IGSF21: variants seen among roughly 807,000 people sequenced by gnomAD.
IGSF21 encodes the protein immunoglobin superfamily member 21, also known as immunoglobulin superfamily member 21.
IGSF21 carries 28 observed loss-of-function variants against 46.8 expected under a neutral mutation model. The ratio of observed to expected loss-of-function variants is 0.60; its 90% CI spans 0.44 to 0.82. The LOEUF is 0.82. Among genes scored for constraint, IGSF21 ranks in the 40% least tolerant of loss-of-function variants. The pLI, the probability that IGSF21 is intolerant of heterozygous loss-of-function variation, is 0.00. For synonymous variants in IGSF21, 284 were observed against 273.6 expected (o/e 1.04, Z -0.38); for missense variants, 624 against 665.5 (o/e 0.94, Z 0.69).
chr1:18,353,934 GAAAC>G (rs969900036), intron 4 of IGSF21, among the ~76,000 whole-genome samples: 1 of 152,194 alleles, frequency 6.6e-6, no homozygotes, highest in Non-Finnish European at 1.5e-5. Context: ...AGAAATGAAG[GAAAC>G]AAACAGACAT....
In IGSF21 at chr1:18,135,530, C is replaced by T. The variant is rs1340695467; in HGVS notation, c.70+27332C>T. On this transcript the variant is annotated intron_variant, in intron 1 of 9. Coordinates refer to ENST00000251296, the MANE Select transcript of IGSF21 (RefSeq NM_032880.5). ...TGCGGTGTTTGGTTTTTTGTCCTTG[C>T]GATAGTTTGCTGAGAATGATGGTTT... Among the ~76,000 whole-genome samples the T allele has an allele frequency of 4.0e-5, 6 of 151,444 alleles. No individual in the cohort carries two copies. In the East Asian group the frequency reaches 9.7e-4, roughly 25 times the overall value.
intron 1 of IGSF21, chr1:18,112,677 A>T (rs1338977292): frequency 6.6e-6 from 1 of 152,362 alleles, no homozygotes; most frequent in African/African-American, 2.4e-5. Context: ...AGCCCCAGCC[A>T]CATGGATGTG....
intron 1 of IGSF21, among the ~76,000 whole-genome samples, chr1:18,209,744 G>A (rs1228479112): frequency 1.3e-5 from 2 of 151,784 alleles, no homozygotes; most frequent in Admixed American, 6.6e-5. Context: ...ACAGGCGTGA[G>A]CCACCGCACC....
intron 2 of IGSF21, among the ~76,000 whole-genome samples, chr1:18,275,886 A>T (rs1291148550): frequency 6.6e-6 from 1 of 151,390 alleles, no homozygotes; most frequent in East Asian, 1.9e-4. Context: ...GAGACCTCCC[A>T]CTCCTTTGCC....
At chr1:18,127,427 C>T (rs1046470448) in intron 1 of IGSF21, among the ~76,000 whole-genome samples, 86 of 152,062 alleles carry the variant, frequency 5.7e-4, no homozygotes, top group African/African-American at 1.9e-3. Context: ...GGAAAGAGTC[C>T]TGGCATCTAG....
In IGSF21 at chr1:18,362,121, C is replaced by A; in HGVS notation, c.431C>A (p.Pro144His). ...GNIFLNVMAP[P>H]TSIEVVAADT... is the part of the protein sequence containing the mutation. ...GTGCTTCCTTTTGGGGCAGCTCCTC[C>A]CACCTCCATTGAAGTGGTGGCTGCT... Residue 144 changes from proline to histidine, a missense_variant, in exon 5 of 10, where the codon CCC (proline) becomes CAC (histidine). Pro to His is a moderately conservative substitution (Grantham distance 77). Transcript: ENST00000251296. The A allele has an allele frequency of 6.2e-7, 1 of 1,608,258 alleles. No individual in the cohort carries two copies. The highest frequency in any genetic ancestry group is 8.5e-7 in the Non-Finnish European group (1 of 1,177,014).
chr1:18,236,676 C>T (rs2084675933), intron 2 of IGSF21, among the ~76,000 whole-genome samples: 1 of 152,120 alleles, frequency 6.6e-6, no homozygotes, highest in South Asian at 2.1e-4. Flanking sequence ...AAAAGTAGAC[C>T]AACAGAGAGG....
At chr1:18,370,486 G>A (rs2086214075) in intron 6 of IGSF21, among the ~76,000 whole-genome samples, 1 of 152,180 alleles carries the variant, frequency 6.6e-6, no homozygotes, top group South Asian at 2.1e-4. Context: ...GTAGAAGTCA[G>A]CATCATGAAG....
At chr1:18,252,045 G>GGT (rs2084847083) in intron 2 of IGSF21, among the ~76,000 whole-genome samples, 2 of 72,066 alleles carry the variant, frequency 2.8e-5, no homozygotes, top group South Asian at 5.5e-4. Context: ...TGACCAAGGC[G>GGT]TTTTTTTTTT....
chr1:18,329,167 G>GGCTCCAGCCTCCAT (rs149606277), intron 3 of IGSF21, among the ~76,000 whole-genome samples: 6,234 of 152,106 alleles, frequency 0.041, 313 homozygotes, highest in African/African-American at 0.12. Flanking sequence ...AGCATTCATG[G>GGCTCCAGCCTCCAT]GCTCCAGCCT....
intron 1 of IGSF21, among the ~76,000 whole-genome samples, chr1:18,184,156 C>T (rs570488131): frequency 9.8e-5 from 15 of 152,314 alleles, no homozygotes; most frequent in African/African-American, 3.6e-4. Flanking sequence ...AAGCAGATAT[C>T]AAACATAGCC....
chr1:18,339,262 C>A (rs185248991), intron 4 of IGSF21, among the ~76,000 whole-genome samples: 13 of 152,330 alleles, frequency 8.5e-5, no homozygotes, highest in Middle Eastern at 3.4e-3. Flanking sequence ...GGCGTCCCAC[C>A]TGGTCTGCCT....
intron 6 of IGSF21, among the ~76,000 whole-genome samples, chr1:18,373,170 G>A (rs1569899654): frequency 6.6e-6 from 1 of 152,274 alleles, no homozygotes. Context: ...TTACAAGTTA[G>A]AAAACTGAAG....
chr1:18,359,481 A>T (rs2086076243), intron 4 of IGSF21, among the ~76,000 whole-genome samples: 2 of 125,062 alleles, frequency 1.6e-5, no homozygotes, highest in Non-Finnish European at 1.7e-5. Flanking sequence ...GGAAGGAAGG[A>T]AGGAAGGAAG....
chr1:18,305,400 TAA>T, intron 3 of IGSF21, among the ~76,000 whole-genome samples: 1 of 143,170 alleles, frequency 7.0e-6, no homozygotes, highest in South Asian at 2.2e-4. Flanking sequence ...GATGGATGGA[TAA>T]TGGATGGATG....
chr1:18,254,036 G>A (rs932806379), intron 2 of IGSF21, among the ~76,000 whole-genome samples: 6 of 152,188 alleles, frequency 3.9e-5, no homozygotes, highest in Admixed American at 6.5e-5. Flanking sequence ...CATTTTAGAC[G>A]TGATCTCTAA....
rs374227898 is a variant in IGSF21, at chr1:18,362,281, C to T, written c.540+51C>T. On this transcript the variant is annotated intron_variant, in intron 5 of 9. Coordinates refer to ENST00000251296, the MANE Select transcript of IGSF21 (RefSeq NM_032880.5). ...CCTTCCTATCTGCCGGACCACCCTG[C>T]TTCGGGGCTGGTCCAGCTGCAGGTG... The T allele has an allele frequency of 1.4e-5, 19 of 1,336,706 alleles. No individual in the cohort carries two copies. The African/African-American group carries it at 2.6e-4, about 18-fold the overall frequency. The allele number at this position is 1,336,706 out of a possible 1,614,324, so 82.8% of individuals were successfully genotyped here. A position where few individuals can be genotyped will look rare whatever the true frequency, so the allele number is the denominator to read the frequency against.
intron 1 of IGSF21, among the ~76,000 whole-genome samples, chr1:18,160,939 G>A (rs1452285437): frequency 6.6e-6 from 1 of 152,124 alleles, no homozygotes; most frequent in Non-Finnish European, 1.5e-5. Flanking sequence ...GAGATGGGAG[G>A]TGACTGTGAT....
chr1:18,296,927 C>T (rs745478475), intron 3 of IGSF21, among the ~76,000 whole-genome samples: 2 of 152,230 alleles, frequency 1.3e-5, no homozygotes, highest in Non-Finnish European at 2.9e-5. Flanking sequence ...AATCTAGATT[C>T]GAGGGGCTCA....
Sources: allele counts gnomAD v4.1 joint callset (sites outside exome capture counted in the v4.1 genomes callset), GRCh38; gene constraint gnomAD v4.1.1; transcripts MANE v1.5; gene names NCBI Gene and HGNC (gene_info 2026-07-23, HGNC 2026-07-21).